CRISPLD2: variants seen among roughly 807,000 people sequenced by gnomAD.
The protein encoded by CRISPLD2 is cysteine rich secretory protein LCCL domain containing 2, also known as cysteine-rich secretory protein LCCL domain-containing 2.
CRISPLD2 carries 47 observed loss-of-function variants against 71.1 expected under a neutral mutation model. The ratio of observed to expected loss-of-function variants is 0.66; its 90% CI spans 0.52 to 0.84. The LOEUF is 0.84. Among genes scored for constraint, CRISPLD2 ranks in the 40% least tolerant of loss-of-function variants. The pLI is 0.00. For synonymous variants in CRISPLD2, 317 were observed against 250.1 expected, an observed-to-expected ratio of 1.27 and a Z score of -2.52; for missense variants, 830 against 651.1, an observed-to-expected ratio of 1.27 and a Z score of -2.99.
intron 6 of CRISPLD2, among the ~76,000 whole-genome samples, chr16:84,859,632 T>C (rs1032038383): frequency 1.3e-5 from 2 of 152,228 alleles, no homozygotes; most frequent in South Asian, 4.1e-4. Context: ...TTCAAATTAG[T>C]CTTTTGTCCA....
rs1221710743 is a variant in CRISPLD2, at chr16:84,873,068, A to G, written c.1058A>G (p.Asn353Ser). The G allele has an allele frequency of 6.2e-7, 1 of 1,614,054 alleles. No individual in the cohort carries two copies. The highest frequency in any genetic ancestry group is 1.7e-5 in the Admixed American group (1 of 60,010). ...DKGGLVDITR[N>S]GKVPFFVKSE... The stretch of plus-strand genomic sequence containing the variant: ...GGAGGCCTGGTGGATATCACCAGGA[A>G]CGGGAAGGTCCCCTTCTTCGTGAAG... Residue 353 changes from asparagine to serine, a missense_variant, in exon 10 of 15, where the codon AAC (asparagine) becomes AGC (serine). Coordinates refer to ENST00000262424, the MANE Select transcript of CRISPLD2 (RefSeq NM_031476.4).
chr16:84,837,377 C>G (rs183444145), intron 1 of CRISPLD2, among the ~76,000 whole-genome samples: 3 of 151,262 alleles, frequency 2.0e-5, no homozygotes, highest in African/African-American at 7.3e-5. Context: ...GGAGGCCGGC[C>G]CTGGGCTTGT....
At chr16:84,835,564 C>T (rs1448261924) in intron 1 of CRISPLD2, among the ~76,000 whole-genome samples, 1 of 152,126 alleles carries the variant, frequency 6.6e-6, no homozygotes, top group East Asian at 1.9e-4. Flanking sequence ...TGGCACACCA[C>T]CCAGCATGGC....
rs182983472 is a variant in CRISPLD2, at chr16:84,842,668, C to T, written c.241-3118C>T. ...GGATTACAGGCATGAACCACTGTGC[C>T]CAACCTACGTTTTTCTTTTTCGCCG... On this transcript the variant is annotated intron_variant, in intron 2 of 14. Coordinates refer to ENST00000262424, the MANE Select transcript of CRISPLD2 (RefSeq NM_031476.4). Among the ~76,000 whole-genome samples the T allele has an allele frequency of 1.7e-3, 256 of 152,254 alleles. 1 individual carries two copies. The highest frequency in any genetic ancestry group is 3.4e-3 in the Middle Eastern group (1 of 294).
At chr16:84,847,167 T>G (rs1224445124) in intron 3 of CRISPLD2, among the ~76,000 whole-genome samples, 1 of 152,196 alleles carries the variant, frequency 6.6e-6, no homozygotes, top group Non-Finnish European at 1.5e-5. Context: ...TAGGTGAGCG[T>G]TTGCTTTCAC....
At chr16:84,897,736 C>T (rs761253152) in intron 14 of CRISPLD2, among the ~76,000 whole-genome samples, 4 of 151,676 alleles carry the variant, frequency 2.6e-5, no homozygotes, top group Non-Finnish European at 5.9e-5. Context: ...CATGCCTCAG[C>T]CTCCCAAGTA....
At chr16:84,855,236 G>T (rs1401387923) in intron 6 of CRISPLD2, among the ~76,000 whole-genome samples, 1 of 152,124 alleles carries the variant, frequency 6.6e-6, no homozygotes, top group East Asian at 1.9e-4. Flanking sequence ...ACCATATGAG[G>T]CCATGTATTA....
At chr16:84,824,749 G>A (rs948900689) in intron 1 of CRISPLD2, among the ~76,000 whole-genome samples, 24 of 152,200 alleles carry the variant, frequency 1.6e-4, no homozygotes, top group African/African-American at 5.8e-4. Context: ...GGGAGTGATA[G>A]AAAGTTACCT....
In CRISPLD2 at chr16:84,907,760, T is replaced by A. The variant is rs2071817259; in HGVS notation, c.*1118T>A. ...CTCAGTTTGTGGTTATGAAACCGTCTGTGGCCTCATGACAGCGAGAGATGG... is the reference window on the plus strand; with the variant it reads ...CTCAGTTTGTGGTTATGAAACCGTCAGTGGCCTCATGACAGCGAGAGATGG... On this transcript the variant is annotated 3_prime_UTR_variant, in exon 15 of 15. Coordinates refer to ENST00000262424, the MANE Select transcript of CRISPLD2 (RefSeq NM_031476.4). 6.6e-6 allele frequency: 1 copy of A among 152,242 alleles called. No homozygotes were observed. Among genetic ancestry groups the A allele is most frequent in the Non-Finnish European group, 1.5e-5 (1 of 68,058 alleles). 9.4% of individuals were successfully genotyped at this position (152,242 alleles called of 1,614,324 possible). A position where few individuals can be genotyped will look rare whatever the true frequency, so the allele number is the denominator to read the frequency against.
intron 9 of CRISPLD2, 93 bp downstream of exon 9, chr16:84,872,601 C>T (rs2143288590): frequency 9.3e-7 from 1 of 1,072,494 alleles, no homozygotes; most frequent in Non-Finnish European, 1.4e-6. Context: ...AAAAGATTTT[C>T]TTTCCACTCC....
Position 84,885,343 on chromosome 16 carries a change from A to C in CRISPLD2, c.1306-3887A>C, listed in dbSNP as rs150463097. On this transcript the variant is annotated intron_variant, in intron 13 of 14. Coordinates refer to ENST00000262424, the MANE Select transcript of CRISPLD2 (RefSeq NM_031476.4). Reference sequence around the variant, plus strand: ...CTCGCTTCTCTTTGAGATGGATGCAAAGTTATTGCTCCTTAGTCTTTAGCA... The same window carrying C: ...CTCGCTTCTCTTTGAGATGGATGCACAGTTATTGCTCCTTAGTCTTTAGCA... 1.8e-4 allele frequency among the ~76,000 whole-genome samples: 27 copies of C among 152,316 alleles called. No homozygotes were observed. The East Asian group carries it at 5.2e-3, about 29-fold the overall frequency.
chr16:84,877,306 G>T (rs2641662), intron 11 of CRISPLD2, 132 bp from the exon 12 acceptor site: 5 of 714,256 alleles, frequency 7.0e-6, no homozygotes, highest in African/African-American at 1.8e-5. Context: ...CTGCTGGGTC[G>T]TAGTCCCAGC....
chr16:84,823,692 A>G (rs912730131), intron 1 of CRISPLD2, among the ~76,000 whole-genome samples: 7 of 151,934 alleles, frequency 4.6e-5, no homozygotes, highest in African/African-American at 1.4e-4. Flanking sequence ...CGAGGACATC[A>G]TGGTCCAGCC....
In CRISPLD2 at chr16:84,903,909, A is replaced by G. The variant is rs1355695826; in HGVS notation, c.1440-2679A>G. ...TGGGACCGCTCCTGTTCACCCCACC[A>G]GCTCCTGTGGCTGGAAGTTCTACTG... On this transcript the variant is annotated intron_variant, in intron 14 of 14. Coordinates refer to ENST00000262424, the MANE Select transcript of CRISPLD2 (RefSeq NM_031476.4). 2.6e-5 allele frequency among the ~76,000 whole-genome samples: 4 copies of G among 152,200 alleles called. No homozygotes were observed. The East Asian group carries it at 7.7e-4, about 29-fold the overall frequency.
intron 11 of CRISPLD2, among the ~76,000 whole-genome samples, chr16:84,876,746 C>T (rs866026965): frequency 7.2e-5 from 11 of 152,120 alleles, no homozygotes; most frequent in African/African-American, 2.4e-4. Flanking sequence ...GAGCCAAGAT[C>T]GTGCCGTTTC....
chr16:84,874,726 C>A (rs1304517051), intron 11 of CRISPLD2, among the ~76,000 whole-genome samples: 3 of 152,108 alleles, frequency 2.0e-5, no homozygotes, highest in African/African-American at 7.2e-5. Flanking sequence ...AAAAAGAATG[C>A]CTGTTTATTC....
At chr16:84,851,440 C>T (rs962787354) in intron 5 of CRISPLD2, among the ~76,000 whole-genome samples, 2 of 152,232 alleles carry the variant, frequency 1.3e-5, no homozygotes, top group African/African-American at 4.8e-5. Flanking sequence ...TTGCCCCGTG[C>T]CCTGTGTAGA....
In CRISPLD2 at chr16:84,821,792, G is replaced by A. The variant is rs546500142; in HGVS notation, c.-75+1659G>A. On this transcript the variant is annotated intron_variant, in intron 1 of 14. Transcript: ENST00000262424. ...AATAATGCCATTTGTAATAATACAA[G>A]CAGCTGACATTTACATGATGCTTAG... 9.2e-5 allele frequency among the ~76,000 whole-genome samples: 14 copies of A among 152,332 alleles called. No homozygotes were observed. In the South Asian group the frequency reaches 2.9e-3, roughly 32 times the overall value.
At chr16:84,844,496 G>C (rs1316881286) in intron 2 of CRISPLD2, among the ~76,000 whole-genome samples, 1 of 143,052 alleles carries the variant, frequency 7.0e-6, no homozygotes, top group Non-Finnish European at 1.5e-5. Context: ...TTTTTTTTTT[G>C]AGACAGAGTC....
Sources: allele counts gnomAD v4.1 joint callset (sites outside exome capture counted in the v4.1 genomes callset), GRCh38; gene constraint gnomAD v4.1.1; transcripts MANE v1.5; gene names NCBI Gene and HGNC (gene_info 2026-07-23, HGNC 2026-07-21).